Variants in ACTR3C observed in about 807,000 individuals in gnomAD.
ACTR3C encodes the protein actin related protein 3C, also known as actin-related protein 3C.
ACTR3C carries 18 observed loss-of-function variants against 26.3 expected under a neutral mutation model. The ratio of observed to expected loss-of-function variants is 0.68; its 90% CI spans 0.47 to 1.01. The LOEUF is 1.01. ACTR3C is among the 50% of genes least tolerant of loss of function. ACTR3C has a pLI of 0.00. For synonymous variants in ACTR3C, 55 were observed against 94.5 expected (o/e 0.58, Z 2.42); for missense variants, 184 against 250.7 (o/e 0.73, Z 1.80).
At chr7:150,263,367 A>G (rs1337181159) in intron 6 of ACTR3C, among the ~76,000 whole-genome samples, 1 of 152,260 alleles carries the variant, frequency 6.6e-6, no homozygotes, top group East Asian at 1.9e-4. Context: ...TTTCTATTTT[A>G]TCTATACTTC....
At chr7:149,976,590 AGAG>A in the ACTR3C span, among the ~76,000 whole-genome samples, 1 of 126,334 alleles carries the variant, frequency 7.9e-6, no homozygotes, top group Non-Finnish European at 1.6e-5. Flanking sequence ...AAAAAAAAAA[AGAG>A]AGAGAGAAAA....
the ACTR3C span, among the ~76,000 whole-genome samples, chr7:150,039,286 T>A: frequency 1.4e-5 from 2 of 139,014 alleles, no homozygotes; most frequent in Admixed American, 7.1e-5. Flanking sequence ...GCCTCCCCCC[T>A]CCTGCGATGG....
the ACTR3C span, among the ~76,000 whole-genome samples, chr7:150,179,926 CT>C: frequency 1.3e-5 from 2 of 151,346 alleles, no homozygotes; most frequent in African/African-American, 4.9e-5. Flanking sequence ...ATATTGCTGC[CT>C]TTTTTTCTTA....
chr7:150,180,162 G>A, the ACTR3C span, among the ~76,000 whole-genome samples: 85 of 150,276 alleles, frequency 5.7e-4, 2 homozygotes, highest in African/African-American at 1.8e-3. Context: ...AAAATTAGCC[G>A]GGCGTGGTCG....
chr7:149,964,145 C>A, the ACTR3C span, among the ~76,000 whole-genome samples: 18 of 152,240 alleles, frequency 1.2e-4, no homozygotes, highest in Non-Finnish European at 2.2e-4. Context: ...GCTGTATATA[C>A]CGGGAGGGGG....
the ACTR3C span, among the ~76,000 whole-genome samples, chr7:150,126,472 T>C: frequency 9.2e-5 from 14 of 152,288 alleles, no homozygotes; most frequent in African/African-American, 3.4e-4. Flanking sequence ...AGCTCCATGG[T>C]CACAATTCCA....
At chr7:150,252,149 T>C (rs565515853) in intron 6 of ACTR3C, among the ~76,000 whole-genome samples, 1 of 147,302 alleles carries the variant, frequency 6.8e-6, no homozygotes, top group Non-Finnish European at 1.5e-5. Context: ...TGTGTGTGCA[T>C]GTGTGTGTGT....
At chr7:149,991,217 A>AC in the ACTR3C span, among the ~76,000 whole-genome samples, 1 of 150,968 alleles carries the variant, frequency 6.6e-6, no homozygotes, top group African/African-American at 2.5e-5. Flanking sequence ...CAAGAGAACA[A>AC]CACAGGAAAG....
the ACTR3C span, among the ~76,000 whole-genome samples, chr7:150,228,160 A>C: frequency 6.6e-6 from 1 of 152,118 alleles, no homozygotes; most frequent in Non-Finnish European, 1.5e-5. Context: ...CTCGATATTG[A>C]GCTTTACTTT....
At chr7:150,090,365 T>C in the ACTR3C span, among the ~76,000 whole-genome samples, 1 of 152,268 alleles carries the variant, frequency 6.6e-6, no homozygotes, top group East Asian at 1.9e-4. Flanking sequence ...GTCCTCATGA[T>C]AGCTCAGATG....
the ACTR3C span, among the ~76,000 whole-genome samples, chr7:149,988,451 T>A: frequency 1.3e-5 from 2 of 152,298 alleles, no homozygotes; most frequent in Non-Finnish European, 2.9e-5. Context: ...CAGCAGATGA[T>A]CCCTGGAGTG....
intron 1 of ACTR3C, among the ~76,000 whole-genome samples, chr7:150,307,358 A>C (rs1795875969): frequency 6.6e-6 from 1 of 152,186 alleles, no homozygotes; most frequent in Non-Finnish European, 1.5e-5. Flanking sequence ...AAAGAAGTAA[A>C]ACAGCCAGTT....
chr7:150,058,683 A>G, the ACTR3C span, among the ~76,000 whole-genome samples: 15 of 152,278 alleles, frequency 9.9e-5, no homozygotes, highest in South Asian at 4.2e-4. Context: ...TGGGGAGGCC[A>G]AGGTGGGTGG....
chr7:149,937,279 A>G, the ACTR3C span, among the ~76,000 whole-genome samples: 1 of 142,804 alleles, frequency 7.0e-6, no homozygotes, highest in African/African-American at 2.6e-5. Flanking sequence ...GCACAAGTTC[A>G]TGTCTGGGAG....
At chr7:150,091,987 C>CAAAAAAAAAAAAAGAAAAAAAAAAA in the ACTR3C span, among the ~76,000 whole-genome samples, 1 of 19,410 alleles carries the variant, frequency 5.2e-5, no homozygotes, top group Non-Finnish European at 1.0e-4. Flanking sequence ...GACTCCGTCT[C>CAAAAAAAAAAAAAGAAAAAAAAAAA]AAAAAAAAAA....
At chr7:150,157,181 A>T in the ACTR3C span, among the ~76,000 whole-genome samples, 1 of 150,474 alleles carries the variant, frequency 6.6e-6, no homozygotes, top group Admixed American at 6.6e-5. Context: ...CTGCAGCATG[A>T]TGTTGTCAAA....
chr7:150,041,887 C>A, the ACTR3C span, among the ~76,000 whole-genome samples: 5 of 138,084 alleles, frequency 3.6e-5, no homozygotes, highest in Non-Finnish European at 7.8e-5. Context: ...GCCTCCCCCT[C>A]CTGCGATGGG....
At chr7:150,262,390 T>C (rs1178093418) in intron 6 of ACTR3C, among the ~76,000 whole-genome samples, 1 of 152,294 alleles carries the variant, frequency 6.6e-6, no homozygotes, top group Non-Finnish European at 1.5e-5. Context: ...AGGGAAAATG[T>C]TGAAAATAGA....
the ACTR3C span, among the ~76,000 whole-genome samples, chr7:150,105,333 C>T: frequency 4.6e-5 from 7 of 152,038 alleles, no homozygotes; most frequent in East Asian, 1.9e-4. Flanking sequence ...CCACCCGCCT[C>T]GGCCTCCCAA....
Sources: allele counts gnomAD v4.1 joint callset (sites outside exome capture counted in the v4.1 genomes callset), GRCh38; gene constraint gnomAD v4.1.1; transcripts MANE v1.5; gene names NCBI Gene and HGNC (gene_info 2026-07-23, HGNC 2026-07-21).